ARHGAP6: variants seen among roughly 807,000 people sequenced by gnomAD.
ARHGAP6 encodes rho GTPase-activating protein 6.
ARHGAP6 carries 16 observed loss-of-function variants against 55.7 expected under a neutral mutation model. The ratio of observed to expected loss-of-function variants is 0.29; its 90% confidence interval spans 0.19 to 0.44. The LOEUF is 0.44. Ranked by LOEUF, ARHGAP6 falls within the 20% of genes least tolerant of loss-of-function variation. ARHGAP6 has a pLI of 1.00. For missense variants in ARHGAP6, 698 were observed against 808.9 expected, an observed-to-expected ratio of 0.86 and a Z score of 1.66; for synonymous variants, 382 against 360.9, an observed-to-expected ratio of 1.06 and a Z score of -0.66.
chrX:11,334,269 C>A, intron 1 of ARHGAP6: 1 of 138,178 alleles, frequency 7.2e-6, no homozygotes, highest in South Asian at 2.3e-4. Context: ...CAAGATTACC[C>A]GTGTTGCTGG....
chrX:11,377,997 C>A (rs771279137), intron 1 of ARHGAP6, among the ~76,000 whole-genome samples: 9 of 111,883 alleles, frequency 8.0e-5, no homozygotes, highest in Non-Finnish European at 1.5e-4. Context: ...CTCTTCCCTG[C>A]ATCTACATGG....
intron 2 of ARHGAP6, among the ~76,000 whole-genome samples, chrX:11,207,414 A>G (rs1189307943): frequency 8.9e-6 from 1 of 112,151 alleles, no homozygotes; most frequent in Non-Finnish European, 1.9e-5. Flanking sequence ...GTTTCACTAC[A>G]TGACATTCCA....
intron 1 of ARHGAP6, among the ~76,000 whole-genome samples, chrX:11,549,723 A>G (rs1286380397): frequency 8.9e-6 from 1 of 112,551 alleles, no homozygotes; most frequent in Non-Finnish European, 1.9e-5. Flanking sequence ...GCAGTACTCA[A>G]AGTGTAGTCC....
chrX:11,513,471 T>C (rs752106251), intron 1 of ARHGAP6, among the ~76,000 whole-genome samples: 3 of 112,039 alleles, frequency 2.7e-5, no homozygotes, highest in African/African-American at 9.7e-5. Flanking sequence ...ATCCAAGACT[T>C]GCCATTGTTG....
chrX:11,526,396 A>G, intron 1 of ARHGAP6, among the ~76,000 whole-genome samples: 1 of 111,898 alleles, frequency 8.9e-6, no homozygotes, highest in Admixed American at 9.5e-5. Flanking sequence ...CATCAAGTCA[A>G]AAGTTGCCAA....
chrX:11,361,369 T>C (rs1238035276), intron 1 of ARHGAP6, among the ~76,000 whole-genome samples: 1 of 110,631 alleles, frequency 9.0e-6, no homozygotes, highest in Non-Finnish European at 1.9e-5. Context: ...AACTATCTGA[T>C]CTTTGACAAA....
intron 1 of ARHGAP6, among the ~76,000 whole-genome samples, chrX:11,493,722 C>T (rs764796501): frequency 9.1e-5 from 10 of 110,433 alleles, no homozygotes; most frequent in Admixed American, 3.9e-4. Flanking sequence ...CAAAGACGCA[C>T]GTAAATATAG....
At chrX:11,333,108 T>C (rs1382098423) in intron 1 of ARHGAP6, among the ~76,000 whole-genome samples, 1 of 112,061 alleles carries the variant, frequency 8.9e-6, no homozygotes, top group African/African-American at 3.2e-5. Flanking sequence ...CTGAGAACAG[T>C]AAGGCTATGG....
Position 11,560,592 on chromosome X carries a change from A to C in ARHGAP6, c.588+103649T>G, listed in dbSNP as rs753361696. Among the ~76,000 whole-genome samples, 27 of 112,167 alleles carry C rather than the reference A, an allele frequency of 2.4e-4. 1 individual carries two copies. The highest frequency in any genetic ancestry group is 8.4e-4 in the African/African-American group (26 of 30,892). ...GTTACCATACCCAGTTTTGTGGGTG[A>C]ATCTGAGTTTACTAGTCAGACTGGA... is the stretch of plus-strand genomic sequence containing the variant. On this transcript the variant is annotated intron_variant, in intron 1 of 12. Transcript: ENST00000337414.
intron 1 of ARHGAP6, among the ~76,000 whole-genome samples, chrX:11,489,666 A>T (rs1322800932): frequency 1.8e-5 from 2 of 112,234 alleles, no homozygotes; most frequent in Non-Finnish European, 3.8e-5. Flanking sequence ...CAAGATATGA[A>T]TAACTGTATG....
intron 2 of ARHGAP6, among the ~76,000 whole-genome samples, chrX:11,239,257 A>T (rs1380867111): frequency 6.3e-5 from 7 of 110,442 alleles, no homozygotes; most frequent in South Asian, 3.9e-4. Context: ...TTCCAAAATT[A>T]AAAAAAAATA....
chrX:11,199,285 A>C (rs756466646), intron 2 of ARHGAP6, among the ~76,000 whole-genome samples: 5 of 112,290 alleles, frequency 4.5e-5, no homozygotes, highest in Non-Finnish European at 7.5e-5. Flanking sequence ...GTATGTACAC[A>C]AGTCTCCCTG....
chrX:11,542,348 C>T (rs557031772), intron 1 of ARHGAP6, among the ~76,000 whole-genome samples: 1 of 110,565 alleles, frequency 9.0e-6, no homozygotes, highest in Non-Finnish European at 1.9e-5. Flanking sequence ...GTGGTGGGTG[C>T]CTGTAATCCC....
At position 11,535,786 on chromosome X, in the gene ARHGAP6, A is replaced by T. The variant is rs756868534; in HGVS notation, c.588+128455T>A. ...GATGGCCCTGATTAACATCCTAGAG[A>T]AGAGGAATCTGTGATATGTTCAAAG... On this transcript the variant is annotated intron_variant, in intron 1 of 12. Transcript: ENST00000337414. Among the ~76,000 whole-genome samples the T allele has an allele frequency of 5.4e-5, 6 of 111,992 alleles. No homozygotes were observed. In the South Asian group the frequency reaches 2.3e-3, roughly 42 times the overall value.
At chrX:11,399,890 TCAGC>T (rs2147750485) in intron 1 of ARHGAP6, among the ~76,000 whole-genome samples, 1 of 112,398 alleles carries the variant, frequency 8.9e-6, no homozygotes, top group South Asian at 3.7e-4. Context: ...GAAAGATTAT[TCAGC>T]CACAAAATGA....
chrX:11,568,948 G>T (rs1275509820), intron 1 of ARHGAP6, among the ~76,000 whole-genome samples: 1 of 111,527 alleles, frequency 9.0e-6, no homozygotes, highest in Non-Finnish European at 1.9e-5. Flanking sequence ...AAACATAATT[G>T]GTAAAATCTA....
intron 9 of ARHGAP6, among the ~76,000 whole-genome samples, chrX:11,162,509 C>T (rs893235975): frequency 9.0e-6 from 1 of 111,301 alleles, no homozygotes; most frequent in East Asian, 2.8e-4. Flanking sequence ...ACTTCTATGA[C>T]CCTCACCCCG....
chrX:11,380,680 C>T (rs2049252274), intron 1 of ARHGAP6, among the ~76,000 whole-genome samples: 1 of 111,598 alleles, frequency 9.0e-6, no homozygotes, highest in African/African-American at 3.3e-5. Flanking sequence ...GCTGCTGTTC[C>T]GTGGAATACA....
chrX:11,252,295 C>G (rs1208867938), intron 2 of ARHGAP6, among the ~76,000 whole-genome samples: 1 of 112,752 alleles, frequency 8.9e-6, no homozygotes, highest in Non-Finnish European at 1.9e-5. Flanking sequence ...AGTCATCATT[C>G]TCTTCACTAC....
Sources: allele counts gnomAD v4.1 joint callset (sites outside exome capture counted in the v4.1 genomes callset), GRCh38; gene constraint gnomAD v4.1.1; transcripts MANE v1.5; gene names NCBI Gene and HGNC (gene_info 2026-07-23, HGNC 2026-07-21).